PCDHA8: variants seen among roughly 807,000 people sequenced by gnomAD.
The protein encoded by PCDHA8 is protocadherin alpha-8.
In PCDHA8, 53 loss-of-function variants were observed where a neutral mutation model predicts 61.8. That is an observed-to-expected ratio of 0.86 (90% CI 0.69 to 1.08). The LOEUF (loss-of-function observed/expected upper bound fraction) is 1.08, where lower values mean the gene tolerates loss of function less well. Among genes scored for constraint, PCDHA8 ranks in the 50% least tolerant of loss-of-function variants. PCDHA8 has a pLI of 0.00. For synonymous variants in PCDHA8, 618 were observed against 556.6 expected (o/e 1.11, Z -1.55); for missense variants, 1,293 against 1,245.0 (o/e 1.04, Z -0.58).
intron 1 of PCDHA8, among the ~76,000 whole-genome samples, chr5:140,951,667 C>T (rs180768474): frequency 6.6e-6 from 1 of 152,156 alleles, no homozygotes; most frequent in African/African-American, 2.4e-5. Context: ...GGCCTGCCTA[C>T]AAAATTGGGG....
Position 140,898,113 on chromosome 5 carries a change from C to G in PCDHA8, c.2394+54398C>G, listed in dbSNP as rs369408845. 3.9e-5 allele frequency among the ~76,000 whole-genome samples: 6 copies of G among 151,952 alleles called. No individual in the cohort carries two copies. The East Asian group carries it at 1.2e-3, about 29-fold the overall frequency. ...AGCCCTTTGTCAGATGAGTAGGTTG[C>G]GAAAATTTTCTCCCATTTTGTAGGT... On this transcript the variant is annotated intron_variant, in intron 1 of 3. Coordinates refer to ENST00000531613, the MANE Select transcript of PCDHA8 (RefSeq NM_018911.3).
chr5:140,966,691 G>A, intron 1 of PCDHA8: 3 of 1,349,440 alleles, frequency 2.2e-6, no homozygotes, highest in Non-Finnish European at 1.9e-6. Context: ...GCGGAGGCGG[G>A]GCCCGGGCGT....
chr5:140,851,487 C>G (rs1273932978), intron 1 of PCDHA8: 3 of 888,978 alleles, frequency 3.4e-6, no homozygotes, highest in African/African-American at 1.8e-5. Context: ...TAAACACAGC[C>G]TTCATTTCAA....
At chr5:140,877,260 G>C (rs1329010026) in intron 1 of PCDHA8, 3 of 1,613,652 alleles carry the variant, frequency 1.9e-6, no homozygotes, top group Non-Finnish European at 2.5e-6. Flanking sequence ...AAGTGCGCGC[G>C]GTGGACGCTG....
At chr5:140,959,886 G>A (rs1171381497) in intron 1 of PCDHA8, among the ~76,000 whole-genome samples, 1 of 152,194 alleles carries the variant, frequency 6.6e-6, no homozygotes, top group Non-Finnish European at 1.5e-5. Flanking sequence ...GAATACACGA[G>A]TGGGATTTAT....
chr5:140,904,170 A>T (rs2070892349), intron 1 of PCDHA8, among the ~76,000 whole-genome samples: 1 of 151,964 alleles, frequency 6.6e-6, no homozygotes. Context: ...GTAGTCTTTT[A>T]TTCCTCACCC....
At chr5:140,932,349 C>A (rs2088248613) in intron 1 of PCDHA8, among the ~76,000 whole-genome samples, 1 of 151,900 alleles carries the variant, frequency 6.6e-6, no homozygotes, top group Admixed American at 6.6e-5. Flanking sequence ...ACTTACCATA[C>A]AACTGGCCTT....
intron 1 of PCDHA8, among the ~76,000 whole-genome samples, chr5:140,962,132 C>A (rs1018234897): frequency 3.3e-5 from 5 of 152,104 alleles, no homozygotes; most frequent in Admixed American, 3.3e-4. Flanking sequence ...GCCTCGGCCT[C>A]CCAAAGTGCT....
chr5:140,942,478 C>T (rs2093304158), intron 1 of PCDHA8, among the ~76,000 whole-genome samples: 1 of 151,408 alleles, frequency 6.6e-6, no homozygotes, highest in African/African-American at 2.4e-5. Flanking sequence ...ATTCAAGCTA[C>T]AACTGAAATA....
At position 140,876,037 on chromosome 5, in the gene PCDHA8, A is replaced by G. The variant is rs1554168212; in HGVS notation, c.2394+32322A>G. On this transcript the variant is annotated intron_variant, in intron 1 of 3. Transcript: ENST00000531613. ...TAAAATAAAAACAAAAAAAGATAAA[A>G]GTATATTGCCTGAATTAGTTCTTCG... is the stretch of plus-strand genomic sequence containing the variant. 1.9e-6 allele frequency: 3 copies of G among 1,613,766 alleles called. No homozygotes were observed. Among genetic ancestry groups the G allele is most frequent in the South Asian group, 2.2e-5 (2 of 91,050 alleles).
chr5:140,945,001 G>GT (rs2093723326), intron 1 of PCDHA8, among the ~76,000 whole-genome samples: 1 of 151,990 alleles, frequency 6.6e-6, no homozygotes, highest in South Asian at 2.1e-4. Context: ...ACGGTTGTGG[G>GT]TCATGAATTA....
intron 1 of PCDHA8, among the ~76,000 whole-genome samples, chr5:140,897,549 T>C (rs1356591020): frequency 2.6e-5 from 4 of 152,140 alleles, no homozygotes; most frequent in African/African-American, 7.2e-5. Flanking sequence ...TAGTCTTCCA[T>C]GGTGTATATG....
intron 1 of PCDHA8, chr5:140,848,634 C>A (rs1364235763): frequency 1.1e-5 from 17 of 1,593,322 alleles, no homozygotes; most frequent in Non-Finnish European, 1.5e-5. Context: ...CTTCGTGGGC[C>A]GCATCGCGCA....
intron 1 of PCDHA8, among the ~76,000 whole-genome samples, chr5:140,954,919 C>T (rs246021): frequency 4.6e-5 from 7 of 151,890 alleles, no homozygotes; most frequent in African/African-American, 1.7e-4. Flanking sequence ...TTATGAATTA[C>T]GTCTTTAATT....
At chr5:140,859,573 C>T (rs1254151950) in intron 1 of PCDHA8, 4 of 174,136 alleles carry the variant, frequency 2.3e-5, no homozygotes, top group African/African-American at 9.5e-5. Flanking sequence ...ATGAATTTGT[C>T]ATCTTGCCTA....
chr5:140,852,246 C>T, intron 1 of PCDHA8: 3 of 546,236 alleles, frequency 5.5e-6, no homozygotes, highest in South Asian at 1.6e-4. Flanking sequence ...TTAAAACACA[C>T]TTTTGGAATA....
intron 1 of PCDHA8, among the ~76,000 whole-genome samples, chr5:140,952,280 G>A (rs1320502466): frequency 2.0e-5 from 3 of 151,652 alleles, no homozygotes; most frequent in Non-Finnish European, 4.4e-5. Context: ...TGAGGGTGGT[G>A]GCCCTCTTCT....
intron 1 of PCDHA8, chr5:140,851,942 G>T: frequency 1.0e-6 from 1 of 967,952 alleles, no homozygotes; most frequent in Non-Finnish European, 1.2e-6. Flanking sequence ...TGTAGTATGT[G>T]ACTTTCAAAA....
At chr5:140,869,849 T>C in intron 1 of PCDHA8, 3 of 1,611,006 alleles carry the variant, frequency 1.9e-6, no homozygotes, top group African/African-American at 1.3e-5. Context: ...GAATATAAGG[T>C]GAGCCTTATG....
Sources: allele counts gnomAD v4.1 joint callset (sites outside exome capture counted in the v4.1 genomes callset), GRCh38; gene constraint gnomAD v4.1.1; transcripts MANE v1.5; gene names NCBI Gene and HGNC (gene_info 2026-07-23, HGNC 2026-07-21).